Variants in GGPS1 observed in about 807,000 individuals in gnomAD.
The protein encoded by GGPS1 is geranylgeranyl diphosphate synthase 1, also known as geranylgeranyl pyrophosphate synthase.
A neutral mutation model predicts 28.1 loss-of-function variants in GGPS1; 15 were observed. That is an observed-to-expected ratio of 0.53 (90% CI 0.36 to 0.82). The LOEUF is 0.82. Among genes scored for constraint, GGPS1 ranks in the 40% least tolerant of loss-of-function variants. The pLI is 0.01. For synonymous variants in GGPS1, 138 were observed against 122.4 expected (o/e 1.13, Z -0.84); for missense variants, 284 against 348.3 (o/e 0.82, Z 1.47).
In GGPS1 at chr1:235,342,862, A is replaced by G. The variant is rs1156478351; in HGVS notation, c.*90A>G. 4.6e-6 allele frequency: 4 copies of G among 876,828 alleles called. No homozygotes were observed. The Admixed American group carries it at 1.1e-4, about 25-fold the overall frequency. 54.3% of individuals were successfully genotyped at this position (876,828 alleles called of 1,614,324 possible). Reference sequence around the variant, plus strand: ...CTTACCACCTTTTAAAAAATTTGTTATTCTCCAGAAACAGTAAATAGGTGA... The same window carrying G: ...CTTACCACCTTTTAAAAAATTTGTTGTTCTCCAGAAACAGTAAATAGGTGA... On this transcript the variant is annotated 3_prime_UTR_variant, in exon 4 of 4. Transcript: ENST00000282841.
rs2103351691 is a variant in GGPS1, at chr1:235,342,637, T to C, written c.768T>C (p.Ser256=). The change falls in exon 4 of 4, where the codon TCT becomes TCC. Residue 256 remains serine, a synonymous_variant. Transcript: ENST00000282841. The part of the protein sequence containing the change: ...YCVHYLEDVG[S]FEYTRNTLKE... ...TACATTATCTTGAGGATGTAGGTTCTTTTGAATACACTCGTAATACCCTTA... is the reference window on the plus strand; with the variant it reads ...TACATTATCTTGAGGATGTAGGTTCCTTTGAATACACTCGTAATACCCTTA... 6.2e-7 allele frequency: 1 copy of C among 1,612,312 alleles called. No homozygotes were observed.
chr1:235,331,464 A>G (rs1675714439), intron 1 of GGPS1, among the ~76,000 whole-genome samples: 2 of 152,138 alleles, frequency 1.3e-5, no homozygotes. Flanking sequence ...AAACACGAAT[A>G]TTTGTCTGCT....
At chr1:235,331,226 G>C (rs1247450758) in intron 1 of GGPS1, among the ~76,000 whole-genome samples, 2 of 152,064 alleles carry the variant, frequency 1.3e-5, no homozygotes, top group Non-Finnish European at 2.9e-5. Flanking sequence ...TTTCCATATG[G>C]GATGTTTCTC....
intron 1 of GGPS1, 28 bp from the exon 2 acceptor site, chr1:235,335,214 T>A: frequency 1.1e-6 from 1 of 910,734 alleles, no homozygotes; most frequent in South Asian, 1.4e-5. Flanking sequence ...TAGTTTCATG[T>A]GATCTTTATG....
At chr1:235,335,940 A>G (rs1319354527) in intron 2 of GGPS1, among the ~76,000 whole-genome samples, 1 of 152,232 alleles carries the variant, frequency 6.6e-6, no homozygotes, top group Non-Finnish European at 1.5e-5. Context: ...TGCATTTCAT[A>G]TACTACTGGT....
intron 1 of GGPS1, among the ~76,000 whole-genome samples, chr1:235,332,820 T>C (rs978308591): frequency 3.9e-5 from 6 of 152,136 alleles, no homozygotes; most frequent in African/African-American, 1.2e-4. Context: ...GACTGGGCTA[T>C]AGAAGATGAC....
intron 2 of GGPS1, among the ~76,000 whole-genome samples, chr1:235,340,846 AG>A (rs1452650926): frequency 2.0e-5 from 3 of 152,258 alleles, no homozygotes; most frequent in African/African-American, 4.8e-5. Flanking sequence ...GGATATTAAA[AG>A]GGAATACTTC....
chr1:235,342,241 G>A lies in GGPS1; in HGVS notation c.372G>A (p.Gln124=). ...CCCGCCAGCTTTTGGAACTCCATCA[G>A]GGACAAGGCCTAGATATTTACTGGA... The part of the protein sequence containing the change: ...LFTRQLLELH[Q]GQGLDIYWRD... The change falls in exon 4 of 4, where the codon CAG becomes CAA. Residue 124 remains glutamine (Q), a synonymous_variant. Transcript: ENST00000282841. The A allele has an allele frequency of 6.2e-7, 1 of 1,614,014 alleles. No homozygotes were observed. The highest frequency in any genetic ancestry group is 8.5e-7 in the Non-Finnish European group (1 of 1,179,944).
chr1:235,338,582 G>A (rs1675935563), intron 2 of GGPS1, among the ~76,000 whole-genome samples: 1 of 152,104 alleles, frequency 6.6e-6, no homozygotes, highest in South Asian at 2.1e-4. Context: ...ATGTGTTTAA[G>A]TGATACAGGC....
intron 1 of GGPS1, among the ~76,000 whole-genome samples, chr1:235,331,974 A>G (rs1675729579): frequency 6.6e-6 from 1 of 152,212 alleles, no homozygotes; most frequent in African/African-American, 2.4e-5. Flanking sequence ...ATTGTCACCA[A>G]ATTGGGTAGT....
intron 1 of GGPS1, among the ~76,000 whole-genome samples, chr1:235,334,159 G>C (rs191291907): frequency 1.2e-4 from 18 of 152,266 alleles, no homozygotes; most frequent in Admixed American, 1.2e-3. Context: ...TGATTGTAGA[G>C]AAACTACTAG....
At chr1:235,336,088 G>C (rs1572270120) in intron 2 of GGPS1, among the ~76,000 whole-genome samples, 2 of 152,002 alleles carry the variant, frequency 1.3e-5, no homozygotes, top group African/African-American at 4.8e-5. Flanking sequence ...GTTTTATTTT[G>C]CTTCTTTAAA....
intron 2 of GGPS1, among the ~76,000 whole-genome samples, chr1:235,340,089 C>T (rs1372071702): frequency 6.6e-6 from 1 of 152,048 alleles, no homozygotes; most frequent in Non-Finnish European, 1.5e-5. Context: ...GCCGAGATCA[C>T]GCCGCTGCAA....
rs149046926 is a variant in GGPS1, at chr1:235,333,805, A to G, written c.-23-1437A>G. ...TGCCATTAGATGCCATATTACATTTAGCCTTTTTGTTGTAGAAAAGTTGGT... is the reference window on the plus strand; with the variant it reads ...TGCCATTAGATGCCATATTACATTTGGCCTTTTTGTTGTAGAAAAGTTGGT... On this transcript the variant is annotated intron_variant, in intron 1 of 3. Transcript: ENST00000282841. Among the ~76,000 whole-genome samples the G allele has an allele frequency of 1.2e-3, 190 of 152,338 alleles. 1 individual carries two copies. Among genetic ancestry groups the G allele is most frequent in the African/African-American group, 4.4e-3 (184 of 41,560 alleles).
intron 1 of GGPS1, among the ~76,000 whole-genome samples, chr1:235,334,241 A>T (rs1476468441): frequency 6.6e-6 from 1 of 152,196 alleles, no homozygotes; most frequent in Admixed American, 6.5e-5. Flanking sequence ...TTAAAAAAGG[A>T]TATGTTTACT....
In GGPS1 at chr1:235,335,279, A is replaced by G. The variant is rs1369622509; in HGVS notation, c.15A>G (p.Gln5=). 3.2e-6 allele frequency: 5 copies of G among 1,545,050 alleles called. No homozygotes were observed. The highest frequency in any genetic ancestry group is 4.5e-6 in the Non-Finnish European group (5 of 1,119,856). Residue 5 remains glutamine (Q), a synonymous_variant, in exon 2 of 4, where the codon CAA becomes CAG. Transcript: ENST00000282841. Reference sequence around the variant, plus strand: ...GTTTAAATCCAATGGAGAAGACTCAAGAAACAGTCCAAAGAATTCTTCTAG... The same window carrying G: ...GTTTAAATCCAATGGAGAAGACTCAGGAAACAGTCCAAAGAATTCTTCTAG... The part of the protein sequence containing the change: MEKT[Q]ETVQRILLEP...
intron 2 of GGPS1, among the ~76,000 whole-genome samples, chr1:235,336,029 A>G (rs1382726503): frequency 6.6e-6 from 1 of 152,238 alleles, no homozygotes; most frequent in Non-Finnish European, 1.5e-5. Context: ...GTATAAGGGT[A>G]TGCCACCTTG....
chr1:235,340,327 G>A (rs956971591), intron 2 of GGPS1, among the ~76,000 whole-genome samples: 6 of 151,968 alleles, frequency 3.9e-5, no homozygotes, highest in Non-Finnish European at 7.4e-5. Flanking sequence ...AAAATTAACC[G>A]GGCGTGGTCG....
chr1:235,328,233 T>C (rs1675500220), upstream of GGPS1: 1 of 124,112 alleles, frequency 8.1e-6, no homozygotes, highest in Admixed American at 8.8e-5. Context: ...CTCCCCTAGA[T>C]TTTTTTTCCC....
Sources: gnomAD v4.1 joint callset for allele counts (sites outside exome capture counted in the v4.1 genomes callset) on GRCh38, gnomAD v4.1.1 for gene constraint, MANE v1.5 for transcripts, NCBI Gene and HGNC (gene_info 2026-07-23, HGNC 2026-07-21) for gene names.